Variants in N4BP2 observed in about 807,000 individuals in gnomAD.
N4BP2 encodes NEDD4 binding protein 2.
Under a neutral mutation model 152.8 loss-of-function variants are expected in N4BP2, and 91 were observed. The observed-to-expected ratio is 0.60, with a 90% CI of 0.50 to 0.71. N4BP2 has a LOEUF of 0.71. Ranked by LOEUF, N4BP2 falls within the 30% of genes least tolerant of loss-of-function variation. The pLI is 0.00. For synonymous variants in N4BP2, 646 were observed against 705.3 expected (o/e 0.92, Z 1.33); for missense variants, 1,923 against 2,059.1 (o/e 0.93, Z 1.28).
rs1721426248 is a variant in N4BP2 at position 40,154,303 on chromosome 4, T to G, written c.*66T>G. ...TAAAATTACTTTTATTTGCAGTAAT[T>G]CAGTCAATTCTACCCTAAAGATGTG... On this transcript the variant is annotated 3_prime_UTR_variant, in exon 18 of 18. Transcript: ENST00000261435. 6.1e-6 allele frequency: 6 copies of G among 978,078 alleles called. No homozygotes were observed. The highest frequency in any genetic ancestry group is 2.2e-5 in the Admixed American group (1 of 44,738). 60.6% of individuals were successfully genotyped at this position (978,078 alleles called of 1,614,324 possible). A position where few individuals can be genotyped will look rare whatever the true frequency, so the allele number is the denominator to read the frequency against.
At chr4:40,147,890 G>A (rs1223174998) in intron 16 of N4BP2, among the ~76,000 whole-genome samples, 1 of 151,876 alleles carries the variant, frequency 6.6e-6, no homozygotes, top group African/African-American at 2.4e-5. Flanking sequence ...CATCCCAGAC[G>A]GGGCGGCGGG....
intron 12 of N4BP2, among the ~76,000 whole-genome samples, chr4:40,127,961 A>G (rs1244060772): frequency 6.6e-6 from 1 of 152,256 alleles, no homozygotes; most frequent in African/African-American, 2.4e-5. Context: ...ATTCCTGGCC[A>G]AAACAAAATA....
intron 4 of N4BP2, 61 bp downstream of exon 4, chr4:40,103,279 G>A (rs1715889613): frequency 7.2e-7 from 1 of 1,389,410 alleles, no homozygotes; most frequent in Admixed American, 2.2e-5. Context: ...ACACAAGTAT[G>A]AATAAATAGG....
At position 40,102,598 on chromosome 4, in the gene N4BP2, A is replaced by C; in HGVS notation, c.753A>C (p.Val251=). 3.1e-6 allele frequency: 5 copies of C among 1,614,188 alleles called. No individual in the cohort carries two copies. Among genetic ancestry groups the C allele is most frequent in the Non-Finnish European group, 4.2e-6 (5 of 1,180,024 alleles). Residue 251 remains valine, a synonymous_variant, in exon 4 of 18, where the codon GTA becomes GTC. Coordinates refer to ENST00000261435, the MANE Select transcript of N4BP2 (RefSeq NM_018177.6). ...EDSLLSSSLN[V]ASDSIAGCSS... ...CTCTTCTCAGTAGTTCTTTAAATGTAGCAAGTGACTCCATCGCAGGTTGTA... is the reference window on the plus strand; with the variant it reads ...CTCTTCTCAGTAGTTCTTTAAATGTCGCAAGTGACTCCATCGCAGGTTGTA...
intron 13 of N4BP2, among the ~76,000 whole-genome samples, chr4:40,132,923 AT>A (rs33951887): frequency 0.36 from 52,100 of 145,662 alleles, 9,711 homozygotes; most frequent in East Asian, 0.5. Context: ...TTGGTCTGTG[AT>A]TTTTTTTTTT....
intron 7 of N4BP2, among the ~76,000 whole-genome samples, chr4:40,117,464 C>G (rs148848810): frequency 6.5e-4 from 99 of 152,332 alleles, no homozygotes; most frequent in African/African-American, 2.3e-3. Context: ...AGCATAACAT[C>G]TGGCCTCCTG....
intron 8 of N4BP2, among the ~76,000 whole-genome samples, chr4:40,118,254 C>G (rs540898961): frequency 6.6e-6 from 1 of 152,154 alleles, no homozygotes; most frequent in African/African-American, 2.4e-5. Flanking sequence ...CCCGTCTCCA[C>G]TAAAAGTACA....
At chr4:40,078,564 G>A (rs925566320) in intron 2 of N4BP2, among the ~76,000 whole-genome samples, 12 of 147,546 alleles carry the variant, frequency 8.1e-5, no homozygotes, top group South Asian at 2.1e-4. Flanking sequence ...TCGCTTTATC[G>A]CCCAGGCTGG....
chr4:40,154,498 T>G lies in N4BP2; in HGVS notation c.*261T>G, dbSNP rs1721439479. 2.8e-6 allele frequency: 1 copy of G among 354,602 alleles called. No homozygotes were observed. Among genetic ancestry groups the G allele is most frequent in the African/African-American group, 2.2e-5 (1 of 46,034 alleles). 22.0% of individuals were successfully genotyped at this position (354,602 alleles called of 1,614,324 possible). A position where few individuals can be genotyped will look rare whatever the true frequency, so the allele number is the denominator to read the frequency against. On this transcript the variant is annotated 3_prime_UTR_variant, in exon 18 of 18. Coordinates refer to ENST00000261435, the MANE Select transcript of N4BP2 (RefSeq NM_018177.6). ...GTAAGAAAATTATCAGCTACAGTTT[T>G]AAAGTTTAAAATGCTCTGATTGTTT...
chr4:40,184,349 C>T, the N4BP2 span, among the ~76,000 whole-genome samples: 4 of 146,928 alleles, frequency 2.7e-5, no homozygotes, highest in Non-Finnish European at 6.0e-5. Context: ...TACAATGAAA[C>T]TTCATCTGCC....
intron 2 of N4BP2, among the ~76,000 whole-genome samples, chr4:40,082,261 G>A (rs1203244264): frequency 7.6e-6 from 1 of 131,104 alleles, no homozygotes; most frequent in African/African-American, 2.8e-5. Context: ...GGGCGACAGA[G>A]CGAGACCCTG....
intron 16 of N4BP2, among the ~76,000 whole-genome samples, chr4:40,148,402 T>G (rs1004351812): frequency 5.4e-5 from 8 of 147,220 alleles, no homozygotes; most frequent in African/African-American, 1.0e-4. Context: ...ATGGCAGCAG[T>G]ACAGTCCAGC....
In N4BP2 at chr4:40,120,005, T is replaced by A; in HGVS notation, c.1894T>A (p.Phe632Ile). The A allele has an allele frequency of 6.3e-7, 1 of 1,575,700 alleles. No individual in the cohort carries two copies. The highest frequency in any genetic ancestry group is 8.7e-7 in the Non-Finnish European group (1 of 1,150,550). Residue 632 changes from phenylalanine to isoleucine, a missense_variant, in exon 9 of 18, where the codon TTC (phenylalanine) becomes ATC (isoleucine). Physicochemically the swap from Phe to Ile is conservative, Grantham distance 21. Transcript: ENST00000261435. Reference protein sequence around the residue: ...ILSLSLKHLEFTEEKNLDVTK... With the variant: ...ILSLSLKHLEITEEKNLDVTK... Reference sequence around the variant, plus strand: ...ATCTTTATCTTTGAAGCATCTAGAGTTCACTGAAGAGAAGAATCTTGATGT... The same window carrying A: ...ATCTTTATCTTTGAAGCATCTAGAGATCACTGAAGAGAAGAATCTTGATGT...
intron 6 of N4BP2, among the ~76,000 whole-genome samples, chr4:40,113,085 G>A (rs576968035): frequency 6.6e-6 from 1 of 152,254 alleles, no homozygotes; most frequent in East Asian, 1.9e-4. Flanking sequence ...ATATTACTGT[G>A]TAGTATTTTC....
chr4:40,117,861 A>T lies in N4BP2; in HGVS notation c.1665-8A>T. ...TCCTTCAACCCTTTTTTCCCCTGGAATTTTCAGGCGTAACATTCATGGGGT... is the reference window on the plus strand; with the variant it reads ...TCCTTCAACCCTTTTTTCCCCTGGATTTTTCAGGCGTAACATTCATGGGGT... On this transcript the variant is annotated splice_polypyrimidine_tract_variant and splice_region_variant and intron_variant, in intron 7 of 17. Transcript: ENST00000261435. The T allele has an allele frequency of 6.3e-7, 1 of 1,586,976 alleles. No individual in the cohort carries two copies. The highest frequency in any genetic ancestry group is 1.2e-5 in the South Asian group (1 of 86,344).
rs369585589 is a variant in N4BP2, at chr4:40,113,399, A to C, written c.1588-33A>C. The C allele has an allele frequency of 2.8e-6, 4 of 1,420,246 alleles. No homozygotes were observed. In the African/African-American group the frequency reaches 4.3e-5, roughly 15 times the overall value. 88.0% of individuals were successfully genotyped at this position (1,420,246 alleles called of 1,614,324 possible). ...TAATTTTAATTTCTTGGAAATACCT[A>C]TTTTAAAATGTTTTTGTCTTTGTTG... On this transcript the variant is annotated intron_variant, in intron 6 of 17. Coordinates refer to ENST00000261435, the MANE Select transcript of N4BP2 (RefSeq NM_018177.6).
chr4:40,082,704 CTT>C (rs573692053), intron 2 of N4BP2, among the ~76,000 whole-genome samples: 12 of 143,100 alleles, frequency 8.4e-5, no homozygotes, highest in Admixed American at 1.4e-4. Flanking sequence ...AGGCTGTATT[CTT>C]TTTTTTTTTT....
At chr4:40,096,297 T>A (rs1715101406) in intron 2 of N4BP2, among the ~76,000 whole-genome samples, 1 of 152,100 alleles carries the variant, frequency 6.6e-6, no homozygotes, top group Non-Finnish European at 1.5e-5. Flanking sequence ...GGCTCTGAGG[T>A]CCTGAGAAGG....
Position 40,120,277 on chromosome 4 carries a change from A to C in N4BP2, c.2166A>C (p.Arg722Ser), listed in dbSNP as rs754138547. ...SKTDTDSSME[R>S]VSPSTCCSEN... Reference sequence around the variant, plus strand: ...CTGACACAGATAGTTCTATGGAGAGAGTATCACCTAGTACTTGCTGTAGTG... The same window carrying C: ...CTGACACAGATAGTTCTATGGAGAGCGTATCACCTAGTACTTGCTGTAGTG... Residue 722 changes from arginine to serine, a missense_variant, in exon 9 of 18, where the codon AGA becomes AGC. Arg to Ser is a moderately radical substitution (Grantham distance 110, BLOSUM62 -1). Transcript: ENST00000261435. 5.0e-6 allele frequency: 8 copies of C among 1,613,686 alleles called. No homozygotes were observed. In the East Asian group the frequency reaches 1.6e-4, roughly 31 times the overall value.
Sources: gnomAD v4.1 joint callset for allele counts (sites outside exome capture counted in the v4.1 genomes callset) on GRCh38, gnomAD v4.1.1 for gene constraint, MANE v1.5 for transcripts, NCBI Gene and HGNC (gene_info 2026-07-23, HGNC 2026-07-21) for gene names.